PXDNL: variants seen among roughly 807,000 people sequenced by gnomAD.
PXDNL encodes the protein probable oxidoreductase PXDNL.
In PXDNL, 145 loss-of-function variants were observed where a neutral mutation model predicts 150.8. That is an observed-to-expected ratio of 0.96 (90% CI 0.84 to 1.10). PXDNL has a LOEUF of 1.10. Among genes scored for constraint, PXDNL ranks in the 50% least tolerant of loss-of-function variants. The probability of loss-of-function intolerance (pLI) is 0.00; values close to 1 mark genes in which losing one functional copy is unlikely to be tolerated. For missense variants in PXDNL, 2,087 were observed against 1,873.9 expected (o/e 1.11, Z -2.10); for synonymous variants, 757 against 725.7 (o/e 1.04, Z -0.69).
chr8:51,326,215 C>T lies in PXDNL; in HGVS notation c.4147-5318G>A, dbSNP rs191636643. Among the ~76,000 whole-genome samples, 256 of 152,120 alleles carry T rather than the reference C, an allele frequency of 1.7e-3. 1 individual carries two copies. Among genetic ancestry groups the T allele is most frequent in the African/African-American group, 5.6e-3 (234 of 41,488 alleles). ...AGCTGTCTATACTATAATCAAGAGG[C>T]GTCTGTGTGCGGTGGCTCATGCCTG... On this transcript the variant is annotated intron_variant, in intron 21 of 22. Transcript: ENST00000356297.
At chr8:51,479,428 A>G (rs548807833) in intron 6 of PXDNL, among the ~76,000 whole-genome samples, 16 of 152,360 alleles carry the variant, frequency 1.1e-4, no homozygotes, top group African/African-American at 3.8e-4. Flanking sequence ...GGAACATCCT[A>G]TGACCCTGTT....
intron 6 of PXDNL, among the ~76,000 whole-genome samples, chr8:51,483,027 G>A (rs1383540403): frequency 6.6e-6 from 1 of 152,174 alleles, no homozygotes; most frequent in Non-Finnish European, 1.5e-5. Flanking sequence ...GATTAGTGGA[G>A]GGGGTGGGTA....
At chr8:51,362,927 T>C (rs909738789) in intron 19 of PXDNL, among the ~76,000 whole-genome samples, 5 of 152,220 alleles carry the variant, frequency 3.3e-5, no homozygotes, top group South Asian at 2.1e-4. Flanking sequence ...GTCAGTTAAA[T>C]ATAAGTAGGT....
At chr8:51,732,540 C>T (rs1382929268) in intron 1 of PXDNL, among the ~76,000 whole-genome samples, 4 of 152,142 alleles carry the variant, frequency 2.6e-5, no homozygotes, top group East Asian at 1.9e-4. Flanking sequence ...TCCACAGTTT[C>T]GGGTACCTTT....
intron 4 of PXDNL, among the ~76,000 whole-genome samples, chr8:51,539,442 G>A (rs1484855063): frequency 1.3e-5 from 2 of 151,968 alleles, no homozygotes; most frequent in Non-Finnish European, 2.9e-5. Flanking sequence ...TCTTATGTCT[G>A]TGATTTTGGT....
At chr8:51,557,982 T>C (rs943361720) in intron 3 of PXDNL, among the ~76,000 whole-genome samples, 1 of 152,152 alleles carries the variant, frequency 6.6e-6, no homozygotes, top group Non-Finnish European at 1.5e-5. Context: ...TCAGCATTAA[T>C]TGATACTTCA....
intron 5 of PXDNL, among the ~76,000 whole-genome samples, chr8:51,496,425 G>A (rs1480316952): frequency 6.6e-6 from 1 of 152,120 alleles, no homozygotes; most frequent in Non-Finnish European, 1.5e-5. Flanking sequence ...GGAAGTTCTG[G>A]CCAGGGCAAT....
At position 51,475,029 on chromosome 8, in the gene PXDNL, G is replaced by A; in HGVS notation, c.637C>T (p.Pro213Ser). Reference protein sequence around the residue: ...HTQAAATCEYPRRLHGRAVAS... With the variant: ...HTQAAATCEYSRRLHGRAVAS... Reference sequence around the variant, plus strand: ...ACTGCACGCCCATGGAGTCTCCTGGGATATTCGCAGGTAGCCGCAGCCTGG... The same window carrying A: ...ACTGCACGCCCATGGAGTCTCCTGGAATATTCGCAGGTAGCCGCAGCCTGG... The change falls in exon 7 of 23, where the codon CCC becomes TCC. Residue 213 changes from proline to serine, a missense_variant. Transcript: ENST00000356297. 6.2e-7 allele frequency: 1 copy of A among 1,612,554 alleles called. No individual in the cohort carries two copies. The highest frequency in any genetic ancestry group is 8.5e-7 in the Non-Finnish European group (1 of 1,179,172).
chr8:51,396,483 G>T (rs185408282), intron 17 of PXDNL, among the ~76,000 whole-genome samples: 85 of 152,216 alleles, frequency 5.6e-4, no homozygotes, highest in Non-Finnish European at 1.1e-3. Flanking sequence ...CAGGCTGGGT[G>T]CAGTGGCTCA....
rs1457873282 is a variant in PXDNL at position 51,697,058 on chromosome 8, C to T, written c.165-42298G>A. 4.6e-5 allele frequency among the ~76,000 whole-genome samples: 7 copies of T among 152,170 alleles called. No homozygotes were observed. In the East Asian group the frequency reaches 1.4e-3, roughly 29 times the overall value. ...GTGGCTCACACCTGTAATCCCAACA[C>T]TTTGGGAGGCCGAGGTGGCAGGATC... On this transcript the variant is annotated intron_variant, in intron 1 of 22. Transcript: ENST00000356297.
intron 1 of PXDNL, among the ~76,000 whole-genome samples, chr8:51,689,058 A>G (rs1815934458): frequency 6.6e-6 from 1 of 152,164 alleles, no homozygotes; most frequent in Non-Finnish European, 1.5e-5. Flanking sequence ...CTGGCTGGGA[A>G]TCACCCAACA....
At chr8:51,559,147 T>G (rs1399270014) in intron 3 of PXDNL, among the ~76,000 whole-genome samples, 2 of 151,966 alleles carry the variant, frequency 1.3e-5, no homozygotes, top group African/African-American at 2.4e-5. Context: ...AATGGAAAAC[T>G]TAACATTTTA....
At chr8:51,645,167 C>G (rs1209848751) in intron 2 of PXDNL, among the ~76,000 whole-genome samples, 1 of 152,022 alleles carries the variant, frequency 6.6e-6, no homozygotes, top group Non-Finnish European at 1.5e-5. Context: ...AGATGGATGT[C>G]CCAGCTCAGC....
At chr8:51,783,619 C>G (rs2037435265) in intron 1 of PXDNL, among the ~76,000 whole-genome samples, 1 of 152,098 alleles carries the variant, frequency 6.6e-6, no homozygotes, top group Non-Finnish European at 1.5e-5. Flanking sequence ...AAATAATGCT[C>G]TACTACCTTT....
At chr8:51,342,702 C>T (rs1304233130) in intron 20 of PXDNL, among the ~76,000 whole-genome samples, 2 of 152,078 alleles carry the variant, frequency 1.3e-5, no homozygotes, top group African/African-American at 2.4e-5. Context: ...GCCTGCTCTG[C>T]GCAGGCAGGA....
intron 1 of PXDNL, among the ~76,000 whole-genome samples, chr8:51,684,724 A>G (rs1380881977): frequency 6.6e-6 from 1 of 152,228 alleles, no homozygotes; most frequent in Non-Finnish European, 1.5e-5. Context: ...GAAGCAACAG[A>G]CATTCTCTTG....
chr8:51,767,744 G>A (rs573853594), intron 1 of PXDNL, among the ~76,000 whole-genome samples: 11 of 152,240 alleles, frequency 7.2e-5, no homozygotes, highest in Admixed American at 1.3e-4. Context: ...CAGGTGTTTC[G>A]TTTTCTAGAT....
At chr8:51,744,953 A>AGGG (rs1563307761) in intron 1 of PXDNL, among the ~76,000 whole-genome samples, 1 of 6,324 alleles carries the variant, frequency 1.6e-4, no homozygotes, top group African/African-American at 1.9e-4. Flanking sequence ...AGAAAGAAAG[A>AGGG]AAGAAAGAAA....
At position 51,472,324 on chromosome 8, in the gene PXDNL, G is replaced by T. The variant is rs10958268; in HGVS notation, c.695-20C>A. 61 of 1,575,080 alleles carry T rather than the reference G, an allele frequency of 3.9e-5. No homozygotes were observed. Among genetic ancestry groups the T allele is most frequent in the Non-Finnish European group, 5.1e-5 (59 of 1,146,998 alleles). On this transcript the variant is annotated intron_variant, in intron 7 of 22. Coordinates refer to ENST00000356297, the MANE Select transcript of PXDNL (RefSeq NM_144651.5). ...GGCTCTCTGCAACAAAAGAATTATT[G>T]ATGTATTTTTCAGAGATACAAAATT...
Sources: gnomAD v4.1 joint callset for allele counts (sites outside exome capture counted in the v4.1 genomes callset) on GRCh38, gnomAD v4.1.1 for gene constraint, MANE v1.5 for transcripts, NCBI Gene and HGNC (gene_info 2026-07-23, HGNC 2026-07-21) for gene names.